Variants in EPS8 observed in about 807,000 individuals in gnomAD.
The protein encoded by EPS8 is EGFR pathway substrate 8, signaling adaptor, also known as epidermal growth factor receptor kinase substrate 8.
A neutral mutation model predicts 103.8 loss-of-function variants in EPS8; 42 were observed. The observed-to-expected ratio is 0.40, with a 90% CI of 0.32 to 0.52. EPS8 has a LOEUF of 0.52. EPS8 is among the 20% of genes least tolerant of loss of function. The pLI, the probability that EPS8 is intolerant of heterozygous loss-of-function variation, is 0.40. For missense variants in EPS8, 969 were observed against 1,005.1 expected (o/e 0.96, Z 0.49); for synonymous variants, 344 against 344.6 (o/e 1.00, Z 0.02).
chr12:15,674,980 T>C (rs1945879134), intron 3 of EPS8, among the ~76,000 whole-genome samples: 2 of 152,082 alleles, frequency 1.3e-5, no homozygotes, highest in African/African-American at 2.4e-5. Flanking sequence ...GCTTTAATTA[T>C]AAAAATTAAA....
chr12:15,632,344 C>A (rs1329608730), intron 17 of EPS8, among the ~76,000 whole-genome samples: 2 of 152,112 alleles, frequency 1.3e-5, no homozygotes, highest in Non-Finnish European at 2.9e-5. Context: ...GTAGGTGTGA[C>A]AAAATGCTTT....
chr12:15,764,452 G>A lies in EPS8; in HGVS notation c.-22+24709C>T, dbSNP rs1187218333. ...CAAATTAAGAAATATTCCAGGATCA[G>A]CAGGAGAGAGGCAAAATATCAGACA... On this transcript the variant is annotated intron_variant, in intron 1 of 20. Coordinates refer to ENST00000281172, the MANE Select transcript of EPS8 (RefSeq NM_004447.6). The surrounding 1 kb of genome is among the most constrained non-coding windows in gnomAD (Gnocchi z 4.1). 6.6e-6 allele frequency among the ~76,000 whole-genome samples: 1 copy of A among 152,234 alleles called. No individual in the cohort carries two copies.
At position 15,690,208 on chromosome 12, in the gene EPS8, T is replaced by C. The variant is rs1320266031; in HGVS notation, c.-21-7236A>G. 1.3e-5 allele frequency among the ~76,000 whole-genome samples: 2 copies of C among 152,202 alleles called. No homozygotes were observed. Among genetic ancestry groups the C allele is most frequent in the Non-Finnish European group, 2.9e-5 (2 of 68,024 alleles). On this transcript the variant is annotated intron_variant, in intron 1 of 20. Coordinates refer to ENST00000281172, the MANE Select transcript of EPS8 (RefSeq NM_004447.6). The surrounding 1 kb of genome is among the most constrained non-coding windows in gnomAD (Gnocchi z 4.7). ...TTCTAAAGTGTACAATATATCTTTA[T>C]AAATGCTTACAACATACGAAGTGGA...
chr12:15,746,511 C>G (rs920086174), intron 1 of EPS8, among the ~76,000 whole-genome samples: 6 of 152,064 alleles, frequency 3.9e-5, no homozygotes, highest in African/African-American at 1.5e-4. Context: ...ATAACTTCCC[C>G]CTTCTAATCA....
intron 1 of EPS8, among the ~76,000 whole-genome samples, chr12:15,746,793 T>A (rs1946880302): frequency 6.6e-6 from 1 of 152,136 alleles, no homozygotes; most frequent in Non-Finnish European, 1.5e-5. Context: ...TATCCTGGAA[T>A]TCATGGCCCA....
chr12:15,635,515 A>ACT (rs1314488988), intron 17 of EPS8, among the ~76,000 whole-genome samples: 1 of 152,164 alleles, frequency 6.6e-6, no homozygotes, highest in Non-Finnish European at 1.5e-5. Context: ...TAAAATCGTC[A>ACT]CTCTATCCAG....
chr12:15,621,220 C>A lies in EPS8; in HGVS notation c.*97G>T. On this transcript the variant is annotated 3_prime_UTR_variant, in exon 21 of 21. Transcript: ENST00000281172. ...TTTTTTTTATGGTGATAAATTACAT[C>A]AAGAAAAATGAATCTGACATTCCCT... is the stretch of plus-strand genomic sequence containing the variant. 1.7e-6 allele frequency: 1 copy of A among 583,456 alleles called. No homozygotes were observed. The highest frequency in any genetic ancestry group is 2.8e-5 in the South Asian group (1 of 35,812). 36.1% of individuals were successfully genotyped at this position (583,456 alleles called of 1,614,324 possible).
rs1209907840 is a variant in EPS8, at chr12:15,764,657, C to G, written c.-22+24504G>C. 6.6e-6 allele frequency among the ~76,000 whole-genome samples: 1 copy of G among 152,098 alleles called. No homozygotes were observed. The highest frequency in any genetic ancestry group is 2.4e-5 in the African/African-American group (1 of 41,406). On this transcript the variant is annotated intron_variant, in intron 1 of 20. Transcript: ENST00000281172. This position sits in a 1 kb window ranked among gnomAD's most constrained non-coding sequence, Gnocchi z 4.1. ...TCTGAAGCCAGAAATTATACTTTAT[C>G]AATTTAACTCTTTTCAGTCAATAAC...
intron 1 of EPS8, chr12:15,712,928 TG>T: frequency 1.0e-6 from 1 of 985,414 alleles, no homozygotes; most frequent in Non-Finnish European, 1.2e-6. Context: ...AGTTTACTTA[TG>T]TGCCAAGTGA....
At chr12:15,746,504 A>G (rs1298211313) in intron 1 of EPS8, among the ~76,000 whole-genome samples, 1 of 152,058 alleles carries the variant, frequency 6.6e-6, no homozygotes, top group Non-Finnish European at 1.5e-5. Flanking sequence ...ATTTTAAATA[A>G]CTTCCCCCTT....
At chr12:15,680,376 C>A (rs1168618636) in intron 3 of EPS8, among the ~76,000 whole-genome samples, 1 of 152,136 alleles carries the variant, frequency 6.6e-6, no homozygotes, top group Admixed American at 6.6e-5. Context: ...ACAGTGTTTT[C>A]TACTTGCCAA....
rs1947257829 is a variant in EPS8, at chr12:15,781,222, T to G, written c.-22+7939A>C. On this transcript the variant is annotated intron_variant, in intron 1 of 20. Coordinates refer to ENST00000281172, the MANE Select transcript of EPS8 (RefSeq NM_004447.6). This position sits in a 1 kb window ranked among gnomAD's most constrained non-coding sequence, Gnocchi z 4.1. ...AACAGAAAACAAAGCTAGAAGAATC[T>G]TTGTGGAGCTTAAATACACAAACTT... 6.6e-6 allele frequency among the ~76,000 whole-genome samples: 1 copy of G among 152,226 alleles called. No individual in the cohort carries two copies. Among genetic ancestry groups the G allele is most frequent in the Non-Finnish European group, 1.5e-5 (1 of 68,028 alleles).
chr12:15,769,666 G>A lies in EPS8; in HGVS notation c.-22+19495C>T, dbSNP rs1947132311. ...TTCTGCACATCACGAGAATATTCAA[G>A]ACTCTATTGAATTTCTCCCCAAACA... is the stretch of plus-strand genomic sequence containing the variant. On this transcript the variant is annotated intron_variant, in intron 1 of 20. Coordinates refer to ENST00000281172, the MANE Select transcript of EPS8 (RefSeq NM_004447.6). This position sits in a 1 kb window ranked among gnomAD's most constrained non-coding sequence, Gnocchi z 4.6. Among the ~76,000 whole-genome samples, 1 of 152,068 alleles carries A rather than the reference G, an allele frequency of 6.6e-6. No homozygotes were observed. Among genetic ancestry groups the A allele is most frequent in the African/African-American group, 2.4e-5 (1 of 41,416 alleles).
Position 15,786,568 on chromosome 12 carries a change from T to C in EPS8, c.-22+2593A>G, listed in dbSNP as rs561552375. ...GTTCATTAATAGTAACAAATACCAA[T>C]AATACAAGATGTTAATAAGAGGGGA... is the stretch of plus-strand genomic sequence containing the variant. On this transcript the variant is annotated intron_variant, in intron 1 of 20. Coordinates refer to ENST00000281172, the MANE Select transcript of EPS8 (RefSeq NM_004447.6). 1.6e-3 allele frequency among the ~76,000 whole-genome samples: 236 copies of C among 152,150 alleles called. 2 individuals carry two copies. Among genetic ancestry groups the C allele is most frequent in the African/African-American group, 5.5e-3 (227 of 41,540 alleles).
At position 15,701,318 on chromosome 12, in the gene EPS8, A is replaced by G. The variant is rs1008187847; in HGVS notation, c.-21-18346T>C. ...TTTTATCTCTAGTTTACAGATGAGG[A>G]AACTGGGGCACAGAAGTGCCTTGCT... On this transcript the variant is annotated intron_variant, in intron 1 of 20. Transcript: ENST00000281172. This position sits in a 1 kb window ranked among gnomAD's most constrained non-coding sequence, Gnocchi z 5.1. 1.3e-5 allele frequency among the ~76,000 whole-genome samples: 2 copies of G among 152,226 alleles called. No homozygotes were observed. Among genetic ancestry groups the G allele is most frequent in the Non-Finnish European group, 2.9e-5 (2 of 68,034 alleles).
chr12:15,692,997 G>A (rs911311210), intron 1 of EPS8, among the ~76,000 whole-genome samples: 5 of 151,950 alleles, frequency 3.3e-5, no homozygotes, highest in Non-Finnish European at 7.4e-5. Context: ...CGCTAGGTTT[G>A]TTTTGGCTTC....
At chr12:15,660,453 G>A (rs1390945393) in intron 10 of EPS8, among the ~76,000 whole-genome samples, 161 bp downstream of exon 10, 4 of 151,960 alleles carry the variant, frequency 2.6e-5, no homozygotes, top group Middle Eastern at 3.4e-3. Context: ...TAGTAGAGAC[G>A]GGGTTTCATC....
chr12:15,757,557 G>A lies in EPS8; in HGVS notation c.-22+31604C>T, dbSNP rs1326857312. Among the ~76,000 whole-genome samples, 5 of 151,972 alleles carry A rather than the reference G, an allele frequency of 3.3e-5. No homozygotes were observed. The highest frequency in any genetic ancestry group is 4.4e-5 in the Non-Finnish European group (3 of 68,002). ...AGGCAGGAGAATCGCTTGAACCCAG[G>A]AGCCAGAAGTTGCAGTGAGTTGAGA... On this transcript the variant is annotated intron_variant, in intron 1 of 20. Coordinates refer to ENST00000281172, the MANE Select transcript of EPS8 (RefSeq NM_004447.6). This position sits in a 1 kb window ranked among gnomAD's most constrained non-coding sequence, Gnocchi z 4.1.
intron 1 of EPS8, among the ~76,000 whole-genome samples, chr12:15,773,798 AC>A (rs1304682471): frequency 6.6e-6 from 1 of 152,180 alleles, no homozygotes; most frequent in African/African-American, 2.4e-5. Flanking sequence ...AAACAGAGTG[AC>A]AAGGTGGCAA....
Sources: gnomAD v4.1 joint callset for allele counts (sites outside exome capture counted in the v4.1 genomes callset) on GRCh38, gnomAD v4.1.1 for gene constraint, Gnocchi (gnomAD v3.1) non-coding constraint, MANE v1.5 for transcripts, NCBI Gene and HGNC (gene_info 2026-07-23, HGNC 2026-07-21) for gene names.